The following ASAP1 variants were observed in gnomAD, a reference collection of about 807,000 sequenced individuals.
The protein encoded by ASAP1 is ArfGAP with SH3 domain, ankyrin repeat and PH domain 1, also known as arf-GAP with SH3 domain, ANK repeat and PH domain-containing protein 1.
Under a neutral mutation model 145.2 loss-of-function variants are expected in ASAP1, and 43 were observed. The ratio of observed to expected loss-of-function variants is 0.30; its 90% CI spans 0.23 to 0.38. ASAP1 has a LOEUF of 0.38. Ranked by LOEUF, ASAP1 falls within the 10% of genes least tolerant of loss-of-function variation. The pLI is 1.00. For synonymous variants in ASAP1, 546 were observed against 515.5 expected, an observed-to-expected ratio of 1.06 and a Z score of -0.80; for missense variants, 1,018 against 1,355.3, an observed-to-expected ratio of 0.75 and a Z score of 3.91.
chr8:130,250,847 G>A (rs1302054017), intron 3 of ASAP1, among the ~76,000 whole-genome samples: 1 of 151,986 alleles, frequency 6.6e-6, no homozygotes, highest in Admixed American at 6.6e-5. Context: ...AAAGTATTCT[G>A]GAGAAAACAA....
At chr8:130,119,399 A>G (rs142457992) in intron 18 of ASAP1, among the ~76,000 whole-genome samples, 1 of 152,348 alleles carries the variant, frequency 6.6e-6, no homozygotes, top group Non-Finnish European at 1.5e-5. Flanking sequence ...CATGGATAAC[A>G]TGCCCAAAGT....
intron 3 of ASAP1, among the ~76,000 whole-genome samples, chr8:130,273,802 T>C (rs1820721744): frequency 1.3e-5 from 2 of 152,144 alleles, no homozygotes; most frequent in Non-Finnish European, 2.9e-5. Context: ...GTGATTCCAA[T>C]GGGCAGCCAG....
intron 1 of ASAP1, among the ~76,000 whole-genome samples, chr8:130,429,960 G>A (rs1313063558): frequency 6.6e-6 from 1 of 152,188 alleles, no homozygotes; most frequent in Non-Finnish European, 1.5e-5. Context: ...CCTGGGCAAC[G>A]TGCCCCAGTA....
intron 3 of ASAP1, among the ~76,000 whole-genome samples, chr8:130,270,834 C>T (rs547374139): frequency 1.3e-5 from 2 of 152,322 alleles, no homozygotes; most frequent in Non-Finnish European, 2.9e-5. Flanking sequence ...TTTCCCTCAT[C>T]TGCTCAAATT....
chr8:130,335,037 T>C (rs1824945632), intron 3 of ASAP1, among the ~76,000 whole-genome samples: 1 of 152,228 alleles, frequency 6.6e-6, no homozygotes, highest in Non-Finnish European at 1.5e-5. Context: ...GCTCTGTCAC[T>C]GGGTATGAGA....
chr8:130,073,324 A>G (rs1280137591), intron 27 of ASAP1, among the ~76,000 whole-genome samples: 7 of 150,472 alleles, frequency 4.7e-5, no homozygotes, highest in Non-Finnish European at 8.9e-5. Context: ...TGGGAGGCGG[A>G]GGTTGCGGGG....
intron 3 of ASAP1, among the ~76,000 whole-genome samples, chr8:130,293,419 C>T (rs1822065012): frequency 6.6e-6 from 1 of 152,208 alleles, no homozygotes; most frequent in African/African-American, 2.4e-5. Context: ...CTTCCAACAT[C>T]CATCGCTCAT....
Position 130,357,880 on chromosome 8 carries a change from T to C in ASAP1, c.186+137A>G, listed in dbSNP as rs540672431. 14 of 1,234,478 alleles carry C rather than the reference T, an allele frequency of 1.1e-5. No homozygotes were observed. In the East Asian group the frequency reaches 3.5e-4, roughly 31 times the overall value. 76.5% of individuals were successfully genotyped at this position (1,234,478 alleles called of 1,614,324 possible). ...AAGGCGCCGCCCGTCCGAAGTCCCT[T>C]ATTCACCCGGCGGCTCCCTGAGGGG... is the stretch of plus-strand genomic sequence containing the variant. On this transcript the variant is annotated intron_variant, in intron 3 of 29. Coordinates refer to ENST00000518721, the MANE Select transcript of ASAP1 (RefSeq NM_018482.4).
chr8:130,267,118 AC>A (rs1436733503), intron 3 of ASAP1, among the ~76,000 whole-genome samples: 21 of 141,314 alleles, frequency 1.5e-4, no homozygotes, highest in Non-Finnish European at 2.5e-4. Flanking sequence ...AAACAAACAA[AC>A]AAACAAAAAA....
intron 3 of ASAP1, among the ~76,000 whole-genome samples, chr8:130,304,508 C>A (rs549539916): frequency 4.7e-4 from 71 of 152,320 alleles, no homozygotes; most frequent in Non-Finnish European, 8.4e-4. Context: ...TCAAAGCCAA[C>A]CTTCACGCAT....
intron 3 of ASAP1, among the ~76,000 whole-genome samples, chr8:130,237,959 T>G (rs1332851556): frequency 6.6e-6 from 1 of 152,094 alleles, no homozygotes; most frequent in Non-Finnish European, 1.5e-5. Flanking sequence ...ATAAACTGCA[T>G]AAATAAAAAT....
chr8:130,354,590 T>A (rs1016696075), intron 3 of ASAP1, among the ~76,000 whole-genome samples: 2 of 152,198 alleles, frequency 1.3e-5, no homozygotes, highest in African/African-American at 4.8e-5. Flanking sequence ...CCTGCTCCCG[T>A]TTAGGGAAAA....
At chr8:130,310,120 G>A (rs1823244148) in intron 3 of ASAP1, among the ~76,000 whole-genome samples, 1 of 127,866 alleles carries the variant, frequency 7.8e-6, no homozygotes, top group East Asian at 2.8e-4. Flanking sequence ...TACAAAATGG[G>A]GCTAATACAG....
intron 24 of ASAP1, among the ~76,000 whole-genome samples, chr8:130,105,365 A>T (rs1370150463): frequency 6.6e-6 from 1 of 152,242 alleles, no homozygotes; most frequent in Non-Finnish European, 1.5e-5. Context: ...ATTTTATATA[A>T]GGCACTTGAG....
intron 5 of ASAP1, among the ~76,000 whole-genome samples, chr8:130,210,709 G>A (rs1458561748): frequency 6.6e-6 from 1 of 152,170 alleles, no homozygotes; most frequent in East Asian, 1.9e-4. Flanking sequence ...CTGAAACAAG[G>A]CATAATCTGT....
chr8:130,385,338 G>C (rs539699549), intron 2 of ASAP1, among the ~76,000 whole-genome samples: 1 of 152,188 alleles, frequency 6.6e-6, no homozygotes, highest in African/African-American at 2.4e-5. Flanking sequence ...AGCCAAAGCA[G>C]AACAGAGACT....
In ASAP1 at chr8:130,286,248, G is replaced by A. The variant is rs1436679127; in HGVS notation, c.187-49254C>T. On this transcript the variant is annotated intron_variant, in intron 3 of 29. Coordinates refer to ENST00000518721, the MANE Select transcript of ASAP1 (RefSeq NM_018482.4). ...TGTTTCTTATAAAACACTAGAAATA[G>A]GCTTTGGCGAAAACTGGGCCATAAC... Among the ~76,000 whole-genome samples the A allele has an allele frequency of 1.3e-5, 2 of 152,166 alleles. 1 individual carries two copies. The highest frequency in any genetic ancestry group is 4.8e-5 in the African/African-American group (2 of 41,450).
chr8:130,173,728 A>T (rs1467058144), intron 9 of ASAP1, among the ~76,000 whole-genome samples: 3 of 151,232 alleles, frequency 2.0e-5, no homozygotes, highest in African/African-American at 7.3e-5. Flanking sequence ...GGATTGTACC[A>T]CTGCACTCCA....
intron 13 of ASAP1, among the ~76,000 whole-genome samples, chr8:130,137,777 T>C (rs910368711): frequency 6.6e-6 from 1 of 152,106 alleles, no homozygotes; most frequent in Non-Finnish European, 1.5e-5. Context: ...CCCTATAGTA[T>C]CTAGATAGTC....
Sources: allele counts gnomAD v4.1 joint callset (sites outside exome capture counted in the v4.1 genomes callset), GRCh38; gene constraint gnomAD v4.1.1; transcripts MANE v1.5; gene names NCBI Gene and HGNC (gene_info 2026-07-23, HGNC 2026-07-21).